The following FAT4 variants were observed in gnomAD, a reference collection of about 807,000 sequenced individuals.
FAT4 encodes protocadherin Fat 4.
FAT4 carries 84 observed loss-of-function variants against 303.9 expected under a neutral mutation model. The ratio of observed to expected loss-of-function variants is 0.28; its 90% CI spans 0.23 to 0.33. FAT4 has a LOEUF of 0.33. Among genes scored for constraint, FAT4 ranks in the 10% least tolerant of loss-of-function variants. The pLI, the probability that FAT4 is intolerant of heterozygous loss-of-function variation, is 1.00. For missense variants in FAT4, 6,005 were observed against 6,146.8 expected (o/e 0.98, Z 0.77); for synonymous variants, 2,307 against 2,298.8 (o/e 1.00, Z -0.10).
chr4:125,447,767 G>A (rs951519547), intron 9 of FAT4, among the ~76,000 whole-genome samples: 21 of 152,066 alleles, frequency 1.4e-4, no homozygotes, highest in Admixed American at 3.9e-4. Flanking sequence ...TTGGCACTCA[G>A]TCTAAGCACT....
chr4:125,416,404 G>T (rs890806990), intron 6 of FAT4, 44 bp from the exon 7 acceptor site: 3 of 1,481,710 alleles, frequency 2.0e-6, no homozygotes, highest in East Asian at 2.3e-5. Flanking sequence ...TTCATGAGAT[G>T]CATTGTTTGT....
chr4:125,482,517 C>G (rs1021473051), intron 16 of FAT4, among the ~76,000 whole-genome samples: 14 of 151,954 alleles, frequency 9.2e-5, no homozygotes, highest in Admixed American at 2.0e-4. Flanking sequence ...TCTCCTAGAC[C>G]AACAGTTTCT....
chr4:125,483,120 C>A (rs1727286939), intron 16 of FAT4, among the ~76,000 whole-genome samples: 1 of 152,178 alleles, frequency 6.6e-6, no homozygotes, highest in Non-Finnish European at 1.5e-5. Context: ...ACCCTTTTCC[C>A]TTACAAGAGA....
At chr4:125,370,520 T>C (rs1578568053) in intron 2 of FAT4, among the ~76,000 whole-genome samples, 1 of 152,180 alleles carries the variant, frequency 6.6e-6, no homozygotes, top group Non-Finnish European at 1.5e-5. Flanking sequence ...ACATACATAT[T>C]CAGCCATTTG....
Position 125,483,990 on chromosome 4 carries a change from T to G in FAT4, c.12822+2252T>G, listed in dbSNP as rs545606782. On this transcript the variant is annotated intron_variant, in intron 16 of 17. Transcript: ENST00000394329. ...TTCTGATCCTTTCTTTAACTCTTTC[T>G]TATGGTTTGCATTCTCTCTCTCTCA... Among the ~76,000 whole-genome samples, 100 of 93,324 alleles carry G rather than the reference T, an allele frequency of 1.1e-3. 2 individuals carry two copies. Among genetic ancestry groups the G allele is most frequent in the African/African-American group, 3.6e-3 (95 of 26,226 alleles). The allele number at this position is 93,324 out of a possible 152,430, so 61.2% of individuals were successfully genotyped here. A position where few individuals can be genotyped will look rare whatever the true frequency, so the allele number is the denominator to read the frequency against.
chr4:125,468,518 T>G lies in FAT4; in HGVS notation c.11912T>G (p.Phe3971Cys), dbSNP rs746181472. ...TCAATTTTCCCTCCAACAGGTGTCT[T>G]TGGAAAACACTGCGAGTTGAACAGT... ...SYYCHCPFGV[F>C]GKHCELNSYG... Residue 3971 changes from phenylalanine to cysteine, a missense_variant, in exon 12 of 18, where the codon TTT (phenylalanine) becomes TGT (cysteine). Phe to Cys is a radical substitution (Grantham distance 205). Transcript: ENST00000394329. 1 of 1,524,250 alleles carries G rather than the reference T, an allele frequency of 6.6e-7. No homozygotes were observed. The highest frequency in any genetic ancestry group is 1.4e-5 in the African/African-American group (1 of 73,192). The allele number at this position is 1,524,250 out of a possible 1,614,324, so 94.4% of individuals were successfully genotyped here.
At chr4:125,446,165 C>A (rs1316304504) in intron 8 of FAT4, 128 bp from the exon 9 acceptor site, 5 of 764,222 alleles carry the variant, frequency 6.5e-6, no homozygotes, top group Non-Finnish European at 1.0e-5. Flanking sequence ...TGTATTCTTT[C>A]CAACATTGTT....
At chr4:125,458,965 A>G (rs1316092432) in intron 10 of FAT4, among the ~76,000 whole-genome samples, 1 of 151,998 alleles carries the variant, frequency 6.6e-6, no homozygotes, top group Non-Finnish European at 1.5e-5. Context: ...TTTTTGCTAA[A>G]ATAATTTGGA....
rs147872710 is a variant in FAT4, at chr4:125,451,400, A to G, written c.10390A>G (p.Ile3464Val). ...AFSINPQTGQ[I>V]TVTAELDRET... ...TTCTATTAATCCGCAGACAGGACAGATCACCGTTACTGCAGAATTAGATCG... is the reference window on the plus strand; with the variant it reads ...TTCTATTAATCCGCAGACAGGACAGGTCACCGTTACTGCAGAATTAGATCG... The change falls in exon 10 of 18, where the codon ATC becomes GTC. Residue 3464 changes from isoleucine (I) to valine (V), a missense_variant. Physicochemically the swap from Ile to Val is conservative, Grantham distance 29. Transcript: ENST00000394329. The G allele has an allele frequency of 3.3e-3, 5,247 of 1,614,158 alleles. 9 individuals carry two copies. The highest frequency in any genetic ancestry group is 4.0e-3 in the Non-Finnish European group (4,765 of 1,180,014).
intron 12 of FAT4, among the ~76,000 whole-genome samples, chr4:125,475,657 A>G (rs1391212711): frequency 6.6e-6 from 1 of 152,148 alleles, no homozygotes; most frequent in Non-Finnish European, 1.5e-5. Flanking sequence ...TCAAATTTTA[A>G]TCCAAATATT....
intron 12 of FAT4, among the ~76,000 whole-genome samples, chr4:125,470,926 TC>T (rs1560628267): frequency 6.6e-6 from 1 of 152,238 alleles, no homozygotes; most frequent in African/African-American, 2.4e-5. Context: ...CGAAATGCCT[TC>T]GTCACTAAGC....
At chr4:125,394,638 C>G (rs192021205) in intron 2 of FAT4, among the ~76,000 whole-genome samples, 3 of 152,074 alleles carry the variant, frequency 2.0e-5, no homozygotes, top group South Asian at 2.1e-4. Flanking sequence ...CTCTAAACTT[C>G]TAATGTTCAA....
intron 2 of FAT4, among the ~76,000 whole-genome samples, chr4:125,364,883 TTG>T (rs1204582207): frequency 6.6e-6 from 1 of 152,136 alleles, no homozygotes; most frequent in East Asian, 1.9e-4. Flanking sequence ...TTTATCTTAT[TTG>T]TGTTTCATAA....
intron 2 of FAT4, among the ~76,000 whole-genome samples, chr4:125,378,018 A>G (rs1166357024): frequency 6.6e-6 from 1 of 152,010 alleles, no homozygotes; most frequent in East Asian, 1.9e-4. Flanking sequence ...AACACCTGCA[A>G]AATAAGGCAC....
Position 125,468,719 on chromosome 4 carries a change from G to A in FAT4, c.12113G>A (p.Arg4038Lys), listed in dbSNP as rs374432242. Residue 4038 changes from arginine to lysine, a missense_variant, in exon 12 of 18, where the codon AGA becomes AAA. Physicochemically the swap from Arg to Lys is conservative, Grantham distance 26 (BLOSUM62 2). Transcript: ENST00000394329. ...CTTGAAATTGCCGAAGAAAGACTAAGATTCTCTTATAATTTAGGCAGTGGT... is the reference window on the plus strand; with the variant it reads ...CTTGAAATTGCCGAAGAAAGACTAAAATTCTCTTATAATTTAGGCAGTGGT... ...LALEIAEERLRFSYNLGSGTY... is the reference protein window; with the variant it reads ...LALEIAEERLKFSYNLGSGTY... 2.5e-6 allele frequency: 4 copies of A among 1,614,000 alleles called. No individual in the cohort carries two copies. The highest frequency in any genetic ancestry group is 2.7e-5 in the African/African-American group (2 of 74,900).
At chr4:125,478,346 C>T (rs555372187) in intron 14 of FAT4, among the ~76,000 whole-genome samples, 2 of 152,238 alleles carry the variant, frequency 1.3e-5, no homozygotes, top group African/African-American at 4.8e-5. Flanking sequence ...GTTAATACTT[C>T]GGTGTGCATC....
Position 125,491,107 on chromosome 4 carries a change from A to C in FAT4, c.14291A>C (p.His4764Pro). The change falls in exon 18 of 18, where the codon CAT becomes CCT. Residue 4764 changes from histidine (H) to proline (P), a missense_variant. By Grantham distance (77) the His-to-Pro change is moderately conservative. Transcript: ENST00000394329. The part of the protein sequence containing the change: ...RSKSPQAMAS[H>P]GSRPGSRLKQ... ...AAGAGTCCTCAGGCCATGGCATCACATGGTTCTAGACCAGGGAGTCGCCTA... is the reference window on the plus strand; with the variant it reads ...AAGAGTCCTCAGGCCATGGCATCACCTGGTTCTAGACCAGGGAGTCGCCTA... 1 of 1,614,148 alleles carries C rather than the reference A, an allele frequency of 6.2e-7. No individual in the cohort carries two copies.
intron 2 of FAT4, among the ~76,000 whole-genome samples, chr4:125,378,834 G>A (rs1455789596): frequency 6.6e-6 from 1 of 152,130 alleles, no homozygotes; most frequent in African/African-American, 2.4e-5. Context: ...AATTTTAAAT[G>A]TAGGAAGTGC....
In FAT4 at chr4:125,491,540, G is replaced by C; in HGVS notation, c.14724G>C (p.Gln4908His). The C allele has an allele frequency of 6.2e-7, 1 of 1,614,222 alleles. No homozygotes were observed. Among genetic ancestry groups the C allele is most frequent in the Non-Finnish European group, 8.5e-7 (1 of 1,180,030 alleles). The change falls in exon 18 of 18, where the codon CAG becomes CAC. Residue 4908 changes from glutamine to histidine, a missense_variant. Transcript: ENST00000394329. ...CCGAGGGAGGACCTGTGGGCACCCA[G>C]GCAGCAGCACCAGGCACTGCTGACA... Reference protein sequence around the residue: ...RRAEGGPVGTQAAAPGTADNT... With the variant: ...RRAEGGPVGTHAAAPGTADNT...
Sources: allele counts gnomAD v4.1 joint callset (sites outside exome capture counted in the v4.1 genomes callset), GRCh38; gene constraint gnomAD v4.1.1; transcripts MANE v1.5; gene names NCBI Gene and HGNC (gene_info 2026-07-23, HGNC 2026-07-21).